The following ADGB variants were observed in gnomAD, a reference collection of about 807,000 sequenced individuals.
ADGB encodes the protein androglobin, also known as calpain-7-like protein.
Under a neutral mutation model 210.5 loss-of-function variants are expected in ADGB, and 172 were observed. That is an observed-to-expected ratio of 0.82 (90% CI 0.72 to 0.93). The LOEUF (loss-of-function observed/expected upper bound fraction) is 0.93. ADGB is among the 40% of genes least tolerant of loss of function. The pLI is 0.00. For missense variants in ADGB, 2,025 were observed against 1,964.8 expected, an observed-to-expected ratio of 1.03 and a Z score of -0.58; for synonymous variants, 658 against 662.7, an observed-to-expected ratio of 0.99 and a Z score of 0.11.
chr6:146,673,964 G>T (rs1457172711), intron 8 of ADGB, among the ~76,000 whole-genome samples: 3 of 152,186 alleles, frequency 2.0e-5, no homozygotes, highest in African/African-American at 7.2e-5. Context: ...CATCTAAGAG[G>T]TTGGTACAAA....
intron 24 of ADGB, 76 bp downstream of exon 24, chr6:146,740,669 A>G: frequency 6.9e-7 from 1 of 1,439,334 alleles, no homozygotes; most frequent in Non-Finnish European, 9.3e-7. Flanking sequence ...TTCTGATAGT[A>G]GTAAAGGTAT....
At chr6:146,691,772 G>T (rs1326715682) in intron 11 of ADGB, among the ~76,000 whole-genome samples, 1 of 151,260 alleles carries the variant, frequency 6.6e-6, no homozygotes, top group Non-Finnish European at 1.5e-5. Flanking sequence ...TTGAGTTATG[G>T]CGATGTTATT....
At chr6:146,625,859 T>A (rs1254716879) in intron 1 of ADGB, among the ~76,000 whole-genome samples, 1 of 152,130 alleles carries the variant, frequency 6.6e-6, no homozygotes. Flanking sequence ...ATCTTGTTTT[T>A]TTTAATCAAT....
At position 146,599,021 on chromosome 6, in the gene ADGB, T is replaced by C. The variant is rs186238889; in HGVS notation, c.-20T>C. 3.7e-4 allele frequency: 581 copies of C among 1,549,592 alleles called. No individual in the cohort carries two copies. Among genetic ancestry groups the C allele is most frequent in the Admixed American group, 6.7e-4 (34 of 51,012 alleles). On this transcript the variant is annotated 5_prime_UTR_variant, in exon 1 of 36. Transcript: ENST00000397944. ...AGGCTCTTTGCTCAGAGCTCAGCCC[T>C]ACATAGATCGGCTTCTGCCATGGCC...
intron 1 of ADGB, among the ~76,000 whole-genome samples, chr6:146,603,628 A>G (rs972679228): frequency 1.3e-5 from 2 of 152,214 alleles, no homozygotes; most frequent in African/African-American, 4.8e-5. Flanking sequence ...AAGCCTTTCA[A>G]AAACAGAATG....
At chr6:146,659,956 C>T (rs1488345449) in intron 5 of ADGB, among the ~76,000 whole-genome samples, 1 of 152,106 alleles carries the variant, frequency 6.6e-6, no homozygotes, top group Non-Finnish European at 1.5e-5. Context: ...TAATTTTTCC[C>T]AGTTGCCATC....
chr6:146,769,234 A>C lies in ADGB; in HGVS notation c.3862+103A>C, dbSNP rs11752064. The C allele has an allele frequency of 1.1e-4, 63 of 576,896 alleles. 1 individual carries two copies. In the Middle Eastern group the frequency reaches 4.5e-3, roughly 42 times the overall value. The allele number at this position is 576,896 out of a possible 1,614,324, so 35.7% of individuals were successfully genotyped here. On this transcript the variant is annotated intron_variant, in intron 29 of 35. Transcript: ENST00000397944. Reference sequence around the variant, plus strand: ...TTAGTCATGAAAATATCATTGTATGATGTTTTATTACACATTATAATTTGT... The same window carrying C: ...TTAGTCATGAAAATATCATTGTATGCTGTTTTATTACACATTATAATTTGT...
intron 1 of ADGB, among the ~76,000 whole-genome samples, chr6:146,608,048 G>GT (rs1206697142): frequency 5.9e-5 from 9 of 152,036 alleles, no homozygotes; most frequent in Non-Finnish European, 1.2e-4. Context: ...TGGTTGGTAG[G>GT]TTTTTTTATT....
At chr6:146,760,368 T>C (rs901596216) in intron 27 of ADGB, among the ~76,000 whole-genome samples, 2 of 151,912 alleles carry the variant, frequency 1.3e-5, no homozygotes, top group African/African-American at 2.4e-5. Flanking sequence ...ATTTATCTTT[T>C]GACACCGGCT....
intron 1 of ADGB, among the ~76,000 whole-genome samples, chr6:146,624,257 A>C (rs1304555953): frequency 6.6e-6 from 1 of 151,936 alleles, no homozygotes; most frequent in Admixed American, 6.6e-5. Context: ...TTTAATGGAT[A>C]CAGAGATATT....
intron 11 of ADGB, 79 bp downstream of exon 11, chr6:146,691,369 G>GTCGGCCGGGCGCGGTGGC: frequency 1.7e-6 from 2 of 1,166,166 alleles, no homozygotes; most frequent in Non-Finnish European, 2.2e-6. Context: ...AAAGATGTAT[G>GTCGGCCGGGCGCGGTGGC]TCAAGGTAAA....
intron 1 of ADGB, among the ~76,000 whole-genome samples, chr6:146,629,771 AG>A (rs1781031999): frequency 6.6e-6 from 1 of 152,282 alleles, no homozygotes; most frequent in Admixed American, 6.5e-5. Context: ...CTATGAAAAA[AG>A]CTTCATTTTT....
rs780260770 is a variant in ADGB at position 146,647,088 on chromosome 6, CA to C, written c.330+2232del. On this transcript the variant is annotated intron_variant, in intron 3 of 35. Transcript: ENST00000397944. ...TGGGTGACAGAGTGAGAGCCTGTCT[CA>C]AAAAAAAACAAAAAACAAAAAACAA... Among the ~76,000 whole-genome samples, 945 of 110,854 alleles carry C rather than the reference CA, an allele frequency of 8.5e-3. 28 individuals are homozygous for C. Among genetic ancestry groups the C allele is most frequent in the African/African-American group, 0.029 (851 of 28,988 alleles). 72.7% of individuals were successfully genotyped at this position (110,854 alleles called of 152,430 possible).
rs867528643 is a variant in ADGB, at chr6:146,803,485, A to G, written c.4818+1474A>G. On this transcript the variant is annotated intron_variant, in intron 35 of 35. Transcript: ENST00000397944. ...ACAAAGATTTGGAAAGGGATGATGA[A>G]CTTTCTTTCTGCGATAGATCACTTT... The G allele has an allele frequency of 7.2e-5, 115 of 1,604,570 alleles. 2 individuals carry two copies. In the Middle Eastern group the frequency reaches 1.2e-3, roughly 17 times the overall value.
At chr6:146,799,058 C>CAAA (rs71552962) in intron 33 of ADGB, among the ~76,000 whole-genome samples, 1,164 of 63,384 alleles carry the variant, frequency 0.018, 59 homozygotes, top group African/African-American at 0.065. Flanking sequence ...TATGGAAATG[C>CAAA]AAAAAAAAAA....
At chr6:146,752,328 G>A (rs894606138) in intron 26 of ADGB, among the ~76,000 whole-genome samples, 1 of 151,992 alleles carries the variant, frequency 6.6e-6, no homozygotes, top group African/African-American at 2.4e-5. Context: ...CATGTGAATG[G>A]CACCAAGTAG....
intron 1 of ADGB, among the ~76,000 whole-genome samples, chr6:146,604,483 TCTCCCTGGG>T (rs1780604919): frequency 6.6e-6 from 1 of 151,916 alleles, no homozygotes; most frequent in African/African-American, 2.4e-5. Flanking sequence ...AGGCTTTTGG[TCTCCCTGGG>T]AGTGGGTGGA....
chr6:146,676,033 A>T (rs1437712888), intron 8 of ADGB, among the ~76,000 whole-genome samples: 1 of 152,092 alleles, frequency 6.6e-6, no homozygotes, highest in Admixed American at 6.6e-5. Context: ...ATATAAATAA[A>T]ATATATTCAA....
intron 26 of ADGB, 70 bp from the exon 27 acceptor site, chr6:146,752,460 C>G: frequency 1.4e-6 from 2 of 1,381,628 alleles, no homozygotes; most frequent in Non-Finnish European, 1.9e-6. Flanking sequence ...TATATCCAAA[C>G]TATCTCACTT....
Sources: gnomAD v4.1 joint callset for allele counts (sites outside exome capture counted in the v4.1 genomes callset) on GRCh38, gnomAD v4.1.1 for gene constraint, MANE v1.5 for transcripts, NCBI Gene and HGNC (gene_info 2026-07-23, HGNC 2026-07-21) for gene names.